GOLGA4: variants seen among roughly 807,000 people sequenced by gnomAD.
The protein encoded by GOLGA4 is golgin A4.
Under a neutral mutation model 265.9 loss-of-function variants are expected in GOLGA4, and 169 were observed. The ratio of observed to expected loss-of-function variants is 0.64; its 90% CI spans 0.56 to 0.72. The LOEUF (loss-of-function observed/expected upper bound fraction) is 0.72. Among genes scored for constraint, GOLGA4 ranks in the 30% least tolerant of loss-of-function variants. The pLI, the probability that GOLGA4 is intolerant of heterozygous loss-of-function variation, is 0.00. For synonymous variants in GOLGA4, 923 were observed against 855.8 expected (o/e 1.08, Z -1.37); for missense variants, 2,482 against 2,483.4 (o/e 1.00, Z 0.01).
intron 2 of GOLGA4, among the ~76,000 whole-genome samples, chr3:37,259,237 C>T (rs2096762779): frequency 6.6e-6 from 1 of 152,162 alleles, no homozygotes; most frequent in Admixed American, 6.5e-5. Flanking sequence ...TTTCATTTAT[C>T]TCATTTGTTG....
chr3:37,311,586 T>TA (rs2096923310), intron 10 of GOLGA4, among the ~76,000 whole-genome samples: 2 of 152,328 alleles, frequency 1.3e-5, no homozygotes, highest in South Asian at 4.1e-4. Context: ...ATTTAACATC[T>TA]GAAGGAAAAT....
chr3:37,329,217 T>A, intron 16 of GOLGA4, 124 bp downstream of exon 16: 1 of 717,450 alleles, frequency 1.4e-6, no homozygotes, highest in South Asian at 2.0e-5. Flanking sequence ...TTTGACTCAA[T>A]ATTATTCAAA....
At chr3:37,343,345 T>C (rs2097044671) in intron 20 of GOLGA4, among the ~76,000 whole-genome samples, 1 of 152,146 alleles carries the variant, frequency 6.6e-6, no homozygotes, top group Non-Finnish European at 1.5e-5. Context: ...GGTCTCAAAC[T>C]CCTGACCTCG....
Position 37,337,133 on chromosome 3 carries a change from A to G in GOLGA4, c.6307-10A>G, listed in dbSNP as rs2097016392. On this transcript the variant is annotated splice_polypyrimidine_tract_variant and intron_variant, in intron 17 of 23. Coordinates refer to ENST00000361924, the MANE Select transcript of GOLGA4 (RefSeq NM_002078.5). ...GTATACACTCATGTTTTTTCTTTCC[A>G]TTTTTTCAGGTAACAATTATGGAGC... The G allele has an allele frequency of 7.0e-7, 1 of 1,426,412 alleles. No individual in the cohort carries two copies. The highest frequency in any genetic ancestry group is 1.2e-5 in the South Asian group (1 of 83,916). The allele number at this position is 1,426,412 out of a possible 1,614,324, so 88.4% of individuals were successfully genotyped here. A position where few individuals can be genotyped will look rare whatever the true frequency, so the allele number is the denominator to read the frequency against.
In GOLGA4 at chr3:37,324,213, A is replaced by C; in HGVS notation, c.2327A>C (p.Gln776Pro). Residue 776 changes from glutamine (Q) to proline (P), a missense_variant, in exon 14 of 24, where the codon CAG becomes CCG. Physicochemically the swap from Gln to Pro is moderately conservative, Grantham distance 76 (BLOSUM62 -1). This residue lies in a region of GOLGA4 where 1,536 missense variants were observed against 1,483.7 expected (regional missense o/e 1.04). Coordinates refer to ENST00000361924, the MANE Select transcript of GOLGA4 (RefSeq NM_002078.5). ...KERDKHLKEH[Q>P]AHVENLEADI... ...AGGGACAAGCATTTGAAAGAGCATC[A>C]GGCTCATGTAGAAAATTTAGAGGCA... 1 of 1,614,212 alleles carries C rather than the reference A, an allele frequency of 6.2e-7. No individual in the cohort carries two copies. Among genetic ancestry groups the C allele is most frequent in the Non-Finnish European group, 8.5e-7 (1 of 1,180,020 alleles).
intron 9 of GOLGA4, among the ~76,000 whole-genome samples, chr3:37,300,678 T>G (rs962544552): frequency 6.6e-6 from 1 of 152,162 alleles, no homozygotes; most frequent in African/African-American, 2.4e-5. Flanking sequence ...CAAGAAATTT[T>G]ATCATTTTTT....
At chr3:37,335,260 C>A in intron 17 of GOLGA4, 94 bp downstream of exon 17, 1 of 667,330 alleles carries the variant, frequency 1.5e-6, no homozygotes, top group South Asian at 1.9e-5. Context: ...ATATTTATCT[C>A]ATTTAATCCT....
At chr3:37,303,656 G>T (rs897700735) in intron 10 of GOLGA4, among the ~76,000 whole-genome samples, 2 of 152,298 alleles carry the variant, frequency 1.3e-5, no homozygotes, top group South Asian at 4.1e-4. Context: ...ATCAGCCTAG[G>T]ATCGAAGCCT....
intron 2 of GOLGA4, among the ~76,000 whole-genome samples, chr3:37,265,379 C>T (rs2096780893): frequency 6.6e-6 from 1 of 152,092 alleles, no homozygotes; most frequent in South Asian, 2.1e-4. Flanking sequence ...TCTGTACATA[C>T]TTTAGAGAAA....
intron 1 of GOLGA4, 23 bp downstream of exon 1, chr3:37,243,645 C>T (rs139655694): frequency 8.1e-6 from 13 of 1,599,320 alleles, no homozygotes; most frequent in Non-Finnish European, 1.0e-5. Flanking sequence ...CCGCTCTCCT[C>T]CCCTGGTTCC....
At chr3:37,329,548 C>T (rs2096983416) in intron 16 of GOLGA4, among the ~76,000 whole-genome samples, 1 of 152,102 alleles carries the variant, frequency 6.6e-6, no homozygotes. Flanking sequence ...TATCTCTACC[C>T]AGTGTGTGGA....
intron 2 of GOLGA4, chr3:37,266,831 G>A: frequency 8.2e-7 from 1 of 1,219,440 alleles, no homozygotes; most frequent in Non-Finnish European, 1.1e-6. Flanking sequence ...TTATTACACT[G>A]AATGAGACAG....
rs1190508726 is a variant in GOLGA4, at chr3:37,276,320, G to T, written c.163-5638G>T. On this transcript the variant is annotated intron_variant, in intron 2 of 23. Coordinates refer to ENST00000361924, the MANE Select transcript of GOLGA4 (RefSeq NM_002078.5). ...AAAAAATCCAAATTTAAGGAAAAAT[G>T]TCCTCTGTGGGAATATTCCTCCTGA... The T allele has an allele frequency of 3.1e-6, 5 of 1,604,592 alleles. No homozygotes were observed. The South Asian group carries it at 4.4e-5, about 14-fold the overall frequency.
In GOLGA4 at chr3:37,324,726, C is replaced by G. The variant is rs2096964945; in HGVS notation, c.2840C>G (p.Thr947Ser). 6.3e-7 allele frequency: 1 copy of G among 1,583,026 alleles called. No individual in the cohort carries two copies. The highest frequency in any genetic ancestry group is 1.9e-5 in the Admixed American group (1 of 52,256). ...CATATTTTGAATGAGGAATATGAAA[C>G]CAAATTTAAAAACCAAGAAAAAAAG... ...SIHILNEEYE[T>S]KFKNQEKKME... Residue 947 changes from threonine (T) to serine (S), a missense_variant, in exon 14 of 24, where the codon ACC (threonine) becomes AGC (serine). Thr to Ser is a moderately conservative substitution (Grantham distance 58). Coordinates refer to ENST00000361924, the MANE Select transcript of GOLGA4 (RefSeq NM_002078.5).
intron 5 of GOLGA4, among the ~76,000 whole-genome samples, chr3:37,293,523 C>G (rs911873498): frequency 1.3e-5 from 2 of 152,114 alleles, no homozygotes; most frequent in Admixed American, 6.5e-5. Context: ...CAGGGATTAA[C>G]AAAGATAAGT....
chr3:37,295,171 CTTTTT>C (rs917579042), intron 6 of GOLGA4, 94 bp downstream of exon 6: 6 of 635,492 alleles, frequency 9.4e-6, no homozygotes, highest in Non-Finnish European at 1.6e-5. Flanking sequence ...AAAGTTTTTT[CTTTTT>C]TAAGACCTAT....
intron 10 of GOLGA4, among the ~76,000 whole-genome samples, chr3:37,311,130 T>A (rs1332637435): frequency 6.6e-6 from 1 of 152,142 alleles, no homozygotes; most frequent in Non-Finnish European, 1.5e-5. Flanking sequence ...GTAAGTAAAC[T>A]CTCAGTATAT....
intron 20 of GOLGA4, among the ~76,000 whole-genome samples, chr3:37,342,681 A>G (rs1420186892): frequency 2.0e-5 from 3 of 152,068 alleles, no homozygotes; most frequent in Non-Finnish European, 4.4e-5. Flanking sequence ...CATTATATTA[A>G]TTTTGTACAT....
intron 2 of GOLGA4, among the ~76,000 whole-genome samples, chr3:37,266,309 C>A (rs1167264606): frequency 6.6e-6 from 1 of 152,062 alleles, no homozygotes; most frequent in African/African-American, 2.4e-5. Context: ...AAGCGATTCT[C>A]CTGCCTCAGC....
Sources: gnomAD v4.1 joint callset for allele counts (sites outside exome capture counted in the v4.1 genomes callset) on GRCh38, gnomAD v4.1.1 for gene constraint, gnomAD v4.1.1 regional missense constraint, MANE v1.5 for transcripts, NCBI Gene and HGNC (gene_info 2026-07-23, HGNC 2026-07-21) for gene names.